Variants in FGF13 observed in about 807,000 individuals in gnomAD.
The protein encoded by FGF13 is fibroblast growth factor homologous factor 2.
In FGF13, 2 loss-of-function variants were observed where a neutral mutation model predicts 19.5. The observed-to-expected ratio is 0.10, with a 90% confidence interval of 0.04 to 0.32. FGF13 has a LOEUF of 0.32. Ranked by LOEUF, FGF13 falls within the 10% of genes least tolerant of loss-of-function variation. The probability of loss-of-function intolerance (pLI) is 1.00; values close to 1 mark genes in which losing one functional copy is unlikely to be tolerated. For synonymous variants in FGF13, 72 were observed against 76.9 expected (o/e 0.94, Z 0.33); for missense variants, 113 against 192.7 (o/e 0.59, Z 2.45).
At chrX:138,766,441 T>C (rs1201304539) in intron 3 of FGF13, among the ~76,000 whole-genome samples, 1 of 112,180 alleles carries the variant, frequency 8.9e-6, no homozygotes, top group Non-Finnish European at 1.9e-5. Flanking sequence ...GCAGGAAGAA[T>C]GTTTTCAGAG....
intron 1 of FGF13, among the ~76,000 whole-genome samples, chrX:138,724,872 T>C (rs969472797): frequency 6.2e-5 from 7 of 112,058 alleles, no homozygotes; most frequent in Middle Eastern, 4.6e-3. Context: ...TTGATAATAA[T>C]GTACCAGTGT....
At chrX:138,916,073 T>C (rs2091616722) in intron 1 of FGF13, among the ~76,000 whole-genome samples, 1 of 112,090 alleles carries the variant, frequency 8.9e-6, no homozygotes, top group Non-Finnish European at 1.9e-5. Context: ...CAATTGGTCC[T>C]GCTGGTGTTG....
chrX:138,888,866 T>A (rs1384309718), intron 1 of FGF13, among the ~76,000 whole-genome samples: 1 of 111,901 alleles, frequency 8.9e-6, no homozygotes, highest in Non-Finnish European at 1.9e-5. Context: ...AGCAATCTCA[T>A]GAATGCCATC....
At chrX:138,833,160 T>G (rs6635727) in intron 3 of FGF13, among the ~76,000 whole-genome samples, 1,289 of 112,134 alleles carry the variant, frequency 0.011, 17 homozygotes, top group African/African-American at 0.039. Flanking sequence ...CTTTGTAGGT[T>G]CCATATGAAT....
chrX:138,814,076 A>G (rs1430351791), intron 3 of FGF13, among the ~76,000 whole-genome samples: 1 of 110,691 alleles, frequency 9.0e-6, no homozygotes. Flanking sequence ...TCCATCCATA[A>G]AGGAAAGGAA....
chrX:139,113,434 C>A (rs757342843), intron 1 of FGF13, among the ~76,000 whole-genome samples: 2 of 111,961 alleles, frequency 1.8e-5, no homozygotes, highest in African/African-American at 6.5e-5. Context: ...TCCCACCTTG[C>A]TAGAATTATT....
chrX:138,714,198 G>T (rs1602737877), upstream of FGF13: 1 of 111,684 alleles, frequency 9.0e-6, no homozygotes, highest in Non-Finnish European at 1.9e-5. Flanking sequence ...TGATCTGTCT[G>T]TCTACGGACC....
At chrX:138,702,010 C>T (rs1045963163) in intron 3 of FGF13, among the ~76,000 whole-genome samples, 74 of 111,532 alleles carry the variant, frequency 6.6e-4, no homozygotes, top group Non-Finnish European at 4.1e-4. Flanking sequence ...ACGCTGGGCA[C>T]GGTGGCTCAC....
intron 1 of FGF13, among the ~76,000 whole-genome samples, chrX:139,164,865 C>T (rs2084068191): frequency 9.1e-6 from 1 of 109,806 alleles, no homozygotes; most frequent in Non-Finnish European, 1.9e-5. Flanking sequence ...ATTATTTTCT[C>T]TTATCTGTAC....
intron 1 of FGF13, among the ~76,000 whole-genome samples, chrX:138,994,091 G>A (rs1290323169): frequency 9.0e-6 from 1 of 111,634 alleles, no homozygotes; most frequent in Non-Finnish European, 1.9e-5. Context: ...GTTTTAGTCT[G>A]ATCAGACTGC....
upstream of FGF13, chrX:138,712,280 G>C (rs1279850559): frequency 1.8e-5 from 2 of 111,549 alleles, no homozygotes; most frequent in Non-Finnish European, 1.9e-5. Flanking sequence ...AGTGGTTTTT[G>C]CTGACTTTTC....
intron 1 of FGF13, among the ~76,000 whole-genome samples, chrX:139,202,295 C>T (rs1180704886): frequency 2.7e-5 from 3 of 111,979 alleles, no homozygotes; most frequent in Non-Finnish European, 3.8e-5. Context: ...AGGGGAATGA[C>T]GTGCCTAGAT....
At chrX:138,939,407 AGAGTTT>A (rs1196667528) in intron 1 of FGF13, among the ~76,000 whole-genome samples, 2 of 112,320 alleles carry the variant, frequency 1.8e-5, no homozygotes, top group Non-Finnish European at 3.8e-5. Flanking sequence ...TTCATATGTT[AGAGTTT>A]ATTTATTTTA....
At chrX:138,835,080 C>T (rs755338069) in intron 3 of FGF13, among the ~76,000 whole-genome samples, 9 of 111,626 alleles carry the variant, frequency 8.1e-5, no homozygotes, top group East Asian at 2.8e-4. Flanking sequence ...CTTCTGATTA[C>T]GTGATCAATT....
chrX:139,110,856 C>T (rs774087390), intron 1 of FGF13, among the ~76,000 whole-genome samples: 19 of 110,887 alleles, frequency 1.7e-4, no homozygotes, highest in Admixed American at 2.9e-4. Context: ...CCTTGGACTG[C>T]GGCATCAGCT....
intron 1 of FGF13, among the ~76,000 whole-genome samples, chrX:139,093,543 A>T (rs1195847811): frequency 8.9e-6 from 1 of 112,130 alleles, no homozygotes; most frequent in Non-Finnish European, 1.9e-5. Flanking sequence ...GTGGGCTCTA[A>T]ACTTACTTCA....
chrX:138,825,233 G>A (rs937231423), intron 3 of FGF13, among the ~76,000 whole-genome samples: 2 of 111,533 alleles, frequency 1.8e-5, no homozygotes, highest in African/African-American at 6.5e-5. Context: ...GACAAATCTG[G>A]GTTCAAATTC....
In FGF13 at chrX:138,628,201, C is replaced by T. The variant is rs1215983193; in HGVS notation, c.*4649G>A. The T allele has an allele frequency of 9.0e-6, 1 of 111,697 alleles. No individual in the cohort carries two copies. Among genetic ancestry groups the T allele is most frequent in the Admixed American group, 9.5e-5 (1 of 10,502 alleles). The allele number at this position is 111,697 out of a possible 1,213,427, so 9.2% of individuals were successfully genotyped here. ...TACTATTACTTGTAGCATTCTCAAT[C>T]GTGTGAAACCATGAGACCACATCTT... On this transcript the variant is annotated 3_prime_UTR_variant, in exon 5 of 5. Transcript: ENST00000315930.
intron 3 of FGF13, among the ~76,000 whole-genome samples, chrX:138,642,899 T>C (rs910075591): frequency 4.5e-5 from 5 of 112,276 alleles, no homozygotes; most frequent in Admixed American, 9.4e-5. Context: ...ACAGGTTAAT[T>C]AGCAACGATT....
Sources: gnomAD v4.1 joint callset for allele counts (sites outside exome capture counted in the v4.1 genomes callset) on GRCh38, gnomAD v4.1.1 for gene constraint, MANE v1.5 for transcripts, NCBI Gene and HGNC (gene_info 2026-07-23, HGNC 2026-07-21) for gene names.